Variants in ARL17A observed in about 807,000 individuals in gnomAD.
ARL17A encodes ARF like GTPase 17A, also known as ADP-ribosylation factor-like 17-like.
chr17:46,532,212 T>G (rs2053763145), intron 4 of ARL17A, among the ~76,000 whole-genome samples: 1 of 148,500 alleles, frequency 6.7e-6, no homozygotes, highest in East Asian at 2.0e-4. Flanking sequence ...AAATGAAAAC[T>G]TTTTCACTCA....
chr17:46,545,739 C>T (rs368068624), intron 3 of ARL17A, among the ~76,000 whole-genome samples: 5,666 of 135,402 alleles, frequency 0.042, 17 homozygotes, highest in East Asian at 0.3. Flanking sequence ...TATGTGGTAA[C>T]TTATTGTTGT....
At chr17:46,520,917 A>G (rs1274169239) in intron 3 of ARL17A, among the ~76,000 whole-genome samples, 2 of 79,674 alleles carry the variant, frequency 2.5e-5, no homozygotes, top group East Asian at 4.8e-4. Context: ...ATTAACATTT[A>G]AATATTAAAA....
chr17:46,548,758 G>T, downstream of ARL17A: 2 of 1,610,166 alleles, frequency 1.2e-6, no homozygotes, highest in East Asian at 4.5e-5. Flanking sequence ...AAAAAGGCTC[G>T]GGAGTCCAGC....
chr17:46,501,202 C>T, the ARL17A span, among the ~76,000 whole-genome samples: 9 of 151,220 alleles, frequency 6.0e-5, no homozygotes, highest in Admixed American at 1.3e-4. Context: ...GTTTTTGAGA[C>T]GGAGTCTCTG....
downstream of ARL17A, chr17:46,548,835 C>A: frequency 4.3e-6 from 7 of 1,612,392 alleles, no homozygotes; most frequent in Non-Finnish European, 5.9e-6. Context: ...ACGCCGTCTA[C>A]ACCAAGCCTT....
intron 4 of ARL17A, among the ~76,000 whole-genome samples, chr17:46,537,109 TA>T (rs1267878380): frequency 9.4e-4 from 76 of 80,620 alleles, no homozygotes; most frequent in African/African-American, 4.7e-3. Flanking sequence ...TTTTTTTTGC[TA>T]TTTTTTTTGG....
the ARL17A span, among the ~76,000 whole-genome samples, chr17:46,502,433 C>G: frequency 6.6e-6 from 1 of 151,046 alleles, no homozygotes. Context: ...TCCCAAGTAG[C>G]TGGGATTATA....
chr17:46,558,550 C>T lies in ARL17A; in HGVS notation c.260-920G>A, dbSNP rs1451030458. On this transcript the variant is annotated intron_variant, in intron 3 of 3. Coordinates refer to ENST00000336125, the MANE Select transcript of ARL17A (RefSeq NM_001113738.2). ...TACAGGCACCCACCACCATGCCCGG[C>T]CAATTTTTTTTTTTTTTTTTTTTCT... is the stretch of plus-strand genomic sequence containing the variant. 3.7e-3 allele frequency among the ~76,000 whole-genome samples: 312 copies of T among 83,200 alleles called. 28 individuals are homozygous for T. In the East Asian group the frequency reaches 0.09, roughly 24 times the overall value. The allele number at this position is 83,200 out of a possible 152,430, so 54.6% of individuals were successfully genotyped here.
chr17:46,545,469 C>G (rs1397282677), intron 3 of ARL17A, among the ~76,000 whole-genome samples: 2 of 112,260 alleles, frequency 1.8e-5, no homozygotes, highest in Non-Finnish European at 3.4e-5. Context: ...ATAATTTTCC[C>G]CTTGGTAATT....
At chr17:46,550,398 T>C, downstream of ARL17A, 3 of 744,658 alleles carry the variant, frequency 4.0e-6, no homozygotes, top group Non-Finnish European at 6.0e-6. Flanking sequence ...TTTTTTTTTG[T>C]GTGTTTTTTT....
chr17:46,575,147 T>C (rs2057755941), intron 2 of ARL17A, among the ~76,000 whole-genome samples: 2 of 106,614 alleles, frequency 1.9e-5, no homozygotes, highest in Admixed American at 1.9e-4. Context: ...CCTAATTCAA[T>C]ATTCAGAACA....
intron 3 of ARL17A, among the ~76,000 whole-genome samples, chr17:46,519,949 A>G: frequency 1.2e-5 from 1 of 80,854 alleles, no homozygotes; most frequent in East Asian, 2.4e-4. Context: ...TCTAGAGAGG[A>G]GGCATGAAAT....
chr17:46,545,852 G>A (rs1411047550), intron 3 of ARL17A, among the ~76,000 whole-genome samples: 4 of 150,254 alleles, frequency 2.7e-5, no homozygotes, highest in Admixed American at 1.3e-4. Context: ...AATGCCCAGA[G>A]TAATTTATAA....
intron 4 of ARL17A, among the ~76,000 whole-genome samples, chr17:46,534,133 C>T (rs1385909395): frequency 6.8e-6 from 1 of 146,396 alleles, no homozygotes; most frequent in Non-Finnish European, 1.5e-5. Context: ...GTCACCTCAG[C>T]CTCCTGGGTA....
At chr17:46,516,238 G>A (rs2051282002), downstream of ARL17A, among the ~76,000 whole-genome samples, 1 of 137,672 alleles carries the variant, frequency 7.3e-6, no homozygotes, top group South Asian at 2.2e-4. Context: ...GGGAGGCAGA[G>A]CTTGCAGTGA....
chr17:46,511,956 CT>C, downstream of ARL17A, among the ~76,000 whole-genome samples: 1 of 59,170 alleles, frequency 1.7e-5, no homozygotes, highest in Non-Finnish European at 4.2e-5. Flanking sequence ...AACATGCTGA[CT>C]TTAACAACCT....
intron 3 of ARL17A, among the ~76,000 whole-genome samples, chr17:46,558,582 A>T (rs1379009055): frequency 8.4e-6 from 1 of 119,052 alleles, no homozygotes; most frequent in Non-Finnish European, 1.7e-5. Context: ...TTCTAAAAAC[A>T]GTTTCACCAT....
the ARL17A span, among the ~76,000 whole-genome samples, chr17:46,500,741 A>G: frequency 2.0e-5 from 3 of 151,138 alleles, no homozygotes; most frequent in Non-Finnish European, 2.9e-5. Flanking sequence ...ATGAGTAGCA[A>G]AGTTTGAAGA....
chr17:46,548,350 A>C, downstream of ARL17A: 4 of 509,048 alleles, frequency 7.9e-6, no homozygotes, highest in East Asian at 1.3e-4. Context: ...AGGAGCGTTC[A>C]TGAAGGTGTT....
Sources: allele counts gnomAD v4.1 joint callset (sites outside exome capture counted in the v4.1 genomes callset), GRCh38; gene constraint gnomAD v4.1.1; transcripts MANE v1.5; gene names NCBI Gene and HGNC (gene_info 2026-07-23, HGNC 2026-07-21).